Variants in LIMA1 observed in about 807,000 individuals in gnomAD.
The protein encoded by LIMA1 is LIM domain and actin binding 1.
In LIMA1, 52 loss-of-function variants were observed where a neutral mutation model predicts 62.6. That is an observed-to-expected ratio of 0.83 (90% CI 0.67 to 1.05). The LOEUF is 1.05. LIMA1 is among the 50% of genes least tolerant of loss of function. The probability of loss-of-function intolerance (pLI) is 0.00; values close to 1 mark genes in which losing one functional copy is unlikely to be tolerated. For synonymous variants in LIMA1, 302 were observed against 317.8 expected, an observed-to-expected ratio of 0.95 and a Z score of 0.53; for missense variants, 780 against 902.2, an observed-to-expected ratio of 0.86 and a Z score of 1.74.
At chr12:50,217,107 TAA>T (rs1203635640) in intron 4 of LIMA1, among the ~76,000 whole-genome samples, 1 of 151,750 alleles carries the variant, frequency 6.6e-6, no homozygotes, top group Non-Finnish European at 1.5e-5. Flanking sequence ...TTTATAAAAA[TAA>T]GTTTTTATTT....
intron 1 of LIMA1, among the ~76,000 whole-genome samples, chr12:50,254,858 G>C (rs1286887191): frequency 1.3e-5 from 2 of 151,904 alleles, no homozygotes; most frequent in Admixed American, 1.3e-4. Flanking sequence ...TCAGGAGTTC[G>C]AGGCCAGCCT....
intron 8 of LIMA1, among the ~76,000 whole-genome samples, chr12:50,193,631 C>CGTGTGTGT (rs67491136): frequency 1.2e-5 from 1 of 86,032 alleles, no homozygotes; most frequent in African/African-American, 5.1e-5. Flanking sequence ...CATATATATA[C>CGTGTGTGT]GTGTGTGTGT....
Position 50,176,001 on chromosome 12 carries a change from C to T in LIMA1, c.*1063G>A, listed in dbSNP as rs1430977757. 1 of 152,158 alleles carries T rather than the reference C, an allele frequency of 6.6e-6. No homozygotes were observed. Among genetic ancestry groups the T allele is most frequent in the East Asian group, 1.9e-4 (1 of 5,204 alleles). 9.4% of individuals were successfully genotyped at this position (152,158 alleles called of 1,614,324 possible). A position where few individuals can be genotyped will look rare whatever the true frequency, so the allele number is the denominator to read the frequency against. ...ACAAATGTACTCAAGTTTATAATGT[C>T]CCCAAACCTTAAGACTAGAAAATCA... On this transcript the variant is annotated 3_prime_UTR_variant, in exon 11 of 11. Transcript: ENST00000341247.
At chr12:50,280,426 G>A (rs1942327150) in intron 1 of LIMA1, among the ~76,000 whole-genome samples, 1 of 151,910 alleles carries the variant, frequency 6.6e-6, no homozygotes, top group African/African-American at 2.4e-5. Context: ...CCAAAGTGCT[G>A]GGATTACAGG....
chr12:50,179,279 C>T (rs1289268917), intron 10 of LIMA1, among the ~76,000 whole-genome samples: 1 of 151,998 alleles, frequency 6.6e-6, no homozygotes, highest in Non-Finnish European at 1.5e-5. Flanking sequence ...GTAGTTGGGA[C>T]TACAGGTGTG....
intron 1 of LIMA1, among the ~76,000 whole-genome samples, chr12:50,279,864 G>A (rs1012546777): frequency 6.6e-6 from 1 of 152,010 alleles, no homozygotes; most frequent in African/African-American, 2.4e-5. Flanking sequence ...GAAGTCCCGG[G>A]GCATTAGCTT....
chr12:50,259,679 T>C (rs1285184573), intron 1 of LIMA1, among the ~76,000 whole-genome samples: 2 of 152,222 alleles, frequency 1.3e-5, no homozygotes, highest in Admixed American at 1.3e-4. Flanking sequence ...AACATGATGA[T>C]AGACAAGTCT....
chr12:50,210,506 A>G (rs753414191), intron 4 of LIMA1, among the ~76,000 whole-genome samples: 1 of 152,140 alleles, frequency 6.6e-6, no homozygotes, highest in Non-Finnish European at 1.5e-5. Context: ...CTTTCTGTCA[A>G]AGTTCAAGCA....
chr12:50,183,330 G>A (rs371645625), intron 9 of LIMA1, among the ~76,000 whole-genome samples: 64 of 152,242 alleles, frequency 4.2e-4, no homozygotes, highest in South Asian at 2.5e-3. Context: ...CAGTAGATGC[G>A]GGAGACAGCT....
intron 4 of LIMA1, among the ~76,000 whole-genome samples, chr12:50,209,269 C>G (rs75762455): frequency 6.6e-6 from 1 of 151,736 alleles, no homozygotes; most frequent in South Asian, 2.1e-4. Flanking sequence ...TAGGAGCAGC[C>G]GCTATCTGAA....
intron 4 of LIMA1, among the ~76,000 whole-genome samples, 182 bp from the exon 5 acceptor site, chr12:50,206,250 T>C (rs919166343): frequency 2.0e-5 from 3 of 152,096 alleles, no homozygotes; most frequent in Non-Finnish European, 4.4e-5. Context: ...CAGGGAAAAA[T>C]AAGTAACCCT....
At chr12:50,213,772 C>A (rs796420274) in intron 4 of LIMA1, among the ~76,000 whole-genome samples, 16 of 152,258 alleles carry the variant, frequency 1.1e-4, no homozygotes, top group African/African-American at 3.8e-4. Context: ...GTCTTTCTAG[C>A]CCCCTTGAAG....
intron 1 of LIMA1, among the ~76,000 whole-genome samples, chr12:50,282,322 G>A (rs528542847): frequency 4.9e-4 from 75 of 152,244 alleles, no homozygotes; most frequent in African/African-American, 1.7e-3. Flanking sequence ...TGGTAACCAA[G>A]CAGATAAAAG....
At chr12:50,216,895 TA>T (rs1292932741) in intron 4 of LIMA1, among the ~76,000 whole-genome samples, 1 of 151,992 alleles carries the variant, frequency 6.6e-6, no homozygotes, top group Non-Finnish European at 1.5e-5. Flanking sequence ...CATATTCAGC[TA>T]AACCACCTGA....
intron 3 of LIMA1, among the ~76,000 whole-genome samples, chr12:50,225,229 C>T (rs1941508442): frequency 6.6e-6 from 1 of 151,930 alleles, no homozygotes; most frequent in Non-Finnish European, 1.5e-5. Context: ...ATGTTCATAA[C>T]ATTATCTTAT....
At chr12:50,272,584 C>T (rs1029681973) in intron 1 of LIMA1, among the ~76,000 whole-genome samples, 2 of 135,236 alleles carry the variant, frequency 1.5e-5, no homozygotes, top group African/African-American at 2.8e-5. Flanking sequence ...AAGAGCGAAA[C>T]TCCGTCTCAA....
rs1940345589 is a variant in LIMA1, at chr12:50,176,785, T to G, written c.*279A>C. The G allele has an allele frequency of 3.2e-6, 1 of 315,406 alleles. No homozygotes were observed. The highest frequency in any genetic ancestry group is 2.2e-5 in the African/African-American group (1 of 46,466). The allele number at this position is 315,406 out of a possible 1,614,324, so 19.5% of individuals were successfully genotyped here. The stretch of plus-strand genomic sequence containing the variant: ...GAATACAGTAGAATCTGGGCTATTA[T>G]CAGGTGGAATATTTCCCCAGTTACA... On this transcript the variant is annotated 3_prime_UTR_variant, in exon 11 of 11. Transcript: ENST00000341247.
chr12:50,266,907 T>A (rs907705708), intron 1 of LIMA1, among the ~76,000 whole-genome samples: 1 of 152,134 alleles, frequency 6.6e-6, no homozygotes, highest in Non-Finnish European at 1.5e-5. Context: ...ACTTTTTTTT[T>A]ATTCTGAGAC....
chr12:50,217,818 C>T, intron 4 of LIMA1: 1 of 290,572 alleles, frequency 3.4e-6, no homozygotes, highest in Non-Finnish European at 6.9e-6. Context: ...CTGGGAAGTA[C>T]ACAGGCATCT....
Sources: gnomAD v4.1 joint callset for allele counts (sites outside exome capture counted in the v4.1 genomes callset) on GRCh38, gnomAD v4.1.1 for gene constraint, MANE v1.5 for transcripts, NCBI Gene and HGNC (gene_info 2026-07-23, HGNC 2026-07-21) for gene names.